PTPN2: variants seen among roughly 807,000 people sequenced by gnomAD.
PTPN2 encodes the protein protein tyrosine phosphatase non-receptor type 2.
PTPN2 carries 19 observed loss-of-function variants against 57.3 expected under a neutral mutation model. The ratio of observed to expected loss-of-function variants is 0.33; its 90% confidence interval spans 0.23 to 0.49. PTPN2 has a LOEUF of 0.49. PTPN2 is among the 20% of genes least tolerant of loss of function. PTPN2 has a pLI of 0.99. For missense variants in PTPN2, 358 were observed against 501.1 expected (o/e 0.71, Z 2.73); for synonymous variants, 153 against 164.9 (o/e 0.93, Z 0.55).
At chr18:12,878,674 A>G (rs2044573226) in intron 1 of PTPN2, among the ~76,000 whole-genome samples, 1 of 152,174 alleles carries the variant, frequency 6.6e-6, no homozygotes, top group Non-Finnish European at 1.5e-5. Flanking sequence ...TTGGTTTCAA[A>G]AAAAGAAAAA....
intron 5 of PTPN2, among the ~76,000 whole-genome samples, chr18:12,820,058 A>G (rs973767): frequency 0.14 from 20,745 of 152,154 alleles, 1,538 homozygotes; most frequent in Non-Finnish European, 0.17. Flanking sequence ...TGGCTCAAAC[A>G]TATGGTTACC....
At chr18:12,819,164 G>T in intron 5 of PTPN2, 3 of 828,698 alleles carry the variant, frequency 3.6e-6, no homozygotes, top group Non-Finnish European at 5.5e-6. Flanking sequence ...AGTATATAAG[G>T]TATAATACTA....
rs536621523 is a variant in PTPN2 at position 12,828,943 on chromosome 18, G to C, written c.360+2000C>G. Among the ~76,000 whole-genome samples the C allele has an allele frequency of 1.2e-4, 19 of 152,216 alleles. No homozygotes were observed. The East Asian group carries it at 3.3e-3, about 26-fold the overall frequency. On this transcript the variant is annotated intron_variant, in intron 4 of 8. Coordinates refer to ENST00000309660, the MANE Select transcript of PTPN2 (RefSeq NM_002828.4). ...AGACAGGGTCTCGCTCTGTCCCCAG[G>C]CTGGAGTGCAGTGGCACGACCATAG...
chr18:12,793,530 A>G lies in PTPN2; in HGVS notation c.*748T>C, dbSNP rs1385254956. 2.0e-6 allele frequency: 2 copies of G among 981,138 alleles called. No homozygotes were observed. The highest frequency in any genetic ancestry group is 1.1e-4 in the East Asian group (1 of 8,938). 60.8% of individuals were successfully genotyped at this position (981,138 alleles called of 1,614,324 possible). A position where few individuals can be genotyped will look rare whatever the true frequency, so the allele number is the denominator to read the frequency against. On this transcript the variant is annotated 3_prime_UTR_variant, in exon 9 of 9. Coordinates refer to ENST00000309660, the MANE Select transcript of PTPN2 (RefSeq NM_002828.4). Reference sequence around the variant, plus strand: ...TTTCCTTCAAAGATATTTTTAGGAAAAACTTTTGTTTCTTTGTTTGCTTTT... The same window carrying G: ...TTTCCTTCAAAGATATTTTTAGGAAGAACTTTTGTTTCTTTGTTTGCTTTT...
At chr18:12,819,233 T>A in intron 5 of PTPN2, 1 of 1,451,386 alleles carries the variant, frequency 6.9e-7, no homozygotes, top group South Asian at 1.3e-5. Flanking sequence ...CCTTTTAACA[T>A]CCAGCATTAA....
intron 7 of PTPN2, among the ~76,000 whole-genome samples, chr18:12,804,198 A>G (rs1056872706): frequency 6.6e-6 from 1 of 150,958 alleles, no homozygotes; most frequent in Middle Eastern, 3.4e-3. Flanking sequence ...AAGCTGAGGC[A>G]TAAGAATCAC....
At chr18:12,844,646 C>T (rs1215475524) in intron 2 of PTPN2, among the ~76,000 whole-genome samples, 1 of 152,014 alleles carries the variant, frequency 6.6e-6, no homozygotes, top group East Asian at 1.9e-4. Flanking sequence ...ATATATAGTC[C>T]AGATCTAAGT....
chr18:12,835,150 A>G (rs1024501952), intron 3 of PTPN2, among the ~76,000 whole-genome samples: 1 of 152,206 alleles, frequency 6.6e-6, no homozygotes, highest in East Asian at 1.9e-4. Flanking sequence ...TAGGTATTTC[A>G]AACAGAAAAT....
At chr18:12,801,069 C>T (rs985440808) in intron 8 of PTPN2, among the ~76,000 whole-genome samples, 2 of 152,096 alleles carry the variant, frequency 1.3e-5, no homozygotes, top group Admixed American at 6.5e-5. Context: ...TGTACCATAC[C>T]ATATATTTTA....
chr18:12,848,026 G>A (rs1279486127), intron 2 of PTPN2, among the ~76,000 whole-genome samples: 1 of 151,988 alleles, frequency 6.6e-6, no homozygotes, highest in African/African-American at 2.4e-5. Context: ...GCACTACACT[G>A]ACATCTGGTC....
chr18:12,815,749 C>G (rs1156955583), intron 6 of PTPN2, among the ~76,000 whole-genome samples: 2 of 152,166 alleles, frequency 1.3e-5, no homozygotes, highest in African/African-American at 4.8e-5. Context: ...TTCCCAATTC[C>G]TAGCTTTCAT....
intron 2 of PTPN2, among the ~76,000 whole-genome samples, chr18:12,838,312 A>T (rs1444312309): frequency 6.6e-6 from 1 of 152,212 alleles, no homozygotes. Flanking sequence ...GGGAAGGTCC[A>T]CCTCACAGGG....
chr18:12,830,522 G>A (rs999640678), intron 4 of PTPN2, among the ~76,000 whole-genome samples: 3 of 152,168 alleles, frequency 2.0e-5, no homozygotes, highest in Non-Finnish European at 4.4e-5. Flanking sequence ...GCATGTCATT[G>A]CCACATCTAA....
At chr18:12,877,822 T>C (rs1310580410) in intron 1 of PTPN2, among the ~76,000 whole-genome samples, 2 of 151,884 alleles carry the variant, frequency 1.3e-5, no homozygotes, top group South Asian at 2.1e-4. Context: ...CCATCCTGGC[T>C]AACACGGTCA....
chr18:12,852,355 T>C (rs5009392), intron 2 of PTPN2, among the ~76,000 whole-genome samples: 3,289 of 152,276 alleles, frequency 0.022, 45 homozygotes, highest in Non-Finnish European at 0.034. Context: ...AATTTGGTGG[T>C]AGTCTCTAAT....
At chr18:12,856,629 A>G (rs2043598584) in intron 2 of PTPN2, among the ~76,000 whole-genome samples, 1 of 152,266 alleles carries the variant, frequency 6.6e-6, no homozygotes, top group African/African-American at 2.4e-5. Context: ...GTCTCCCTGC[A>G]GCCTTCAACT....
At chr18:12,846,564 T>C (rs2043214143) in intron 2 of PTPN2, among the ~76,000 whole-genome samples, 1 of 152,230 alleles carries the variant, frequency 6.6e-6, no homozygotes, top group African/African-American at 2.4e-5. Flanking sequence ...TCATCATTTT[T>C]TGGGCATGTC....
In PTPN2 at chr18:12,868,092, T is replaced by C. The variant is rs1436403675; in HGVS notation, c.70-8838A>G. Among the ~76,000 whole-genome samples, 6 of 152,330 alleles carry C rather than the reference T, an allele frequency of 3.9e-5. No homozygotes were observed. The South Asian group carries it at 6.2e-4, about 16-fold the overall frequency. ...ATATGTGGGAAAGACCCTTCTCTAG[T>C]GTGAAGTAATCACAAAGGCTTGTTC... On this transcript the variant is annotated intron_variant, in intron 1 of 8. Coordinates refer to ENST00000309660, the MANE Select transcript of PTPN2 (RefSeq NM_002828.4).
chr18:12,791,384 T>G (rs769887963), downstream of PTPN2, among the ~76,000 whole-genome samples: 1 of 152,234 alleles, frequency 6.6e-6, no homozygotes, highest in Non-Finnish European at 1.5e-5. Context: ...ATCTGACTCT[T>G]AAAATCTGTT....
Sources: gnomAD v4.1 joint callset for allele counts (sites outside exome capture counted in the v4.1 genomes callset) on GRCh38, gnomAD v4.1.1 for gene constraint, MANE v1.5 for transcripts, NCBI Gene and HGNC (gene_info 2026-07-23, HGNC 2026-07-21) for gene names.